The following PBRM1 variants were observed in gnomAD, a reference collection of about 807,000 sequenced individuals.
The protein encoded by PBRM1 is polybromo 1, also known as protein polybromo-1.
Under a neutral mutation model 194.5 loss-of-function variants are expected in PBRM1, and 27 were observed. The observed-to-expected ratio is 0.14, with a 90% CI of 0.10 to 0.19. The LOEUF (loss-of-function observed/expected upper bound fraction) is 0.19. PBRM1 is among the 10% of genes least tolerant of loss of function. PBRM1 has a pLI of 1.00. For missense variants in PBRM1, 1,466 were observed against 2,077.2 expected (o/e 0.71, Z 5.72); for synonymous variants, 655 against 693.2 (o/e 0.94, Z 0.87).
chr3:52,651,309 T>C (rs2096486582), intron 6 of PBRM1, among the ~76,000 whole-genome samples: 1 of 152,136 alleles, frequency 6.6e-6, no homozygotes, highest in Non-Finnish European at 1.5e-5. Context: ...TAACATCCGT[T>C]GTGGGTAGCT....
intron 13 of PBRM1, among the ~76,000 whole-genome samples, chr3:52,621,858 C>G (rs1180979111): frequency 6.6e-6 from 1 of 152,110 alleles, no homozygotes; most frequent in African/African-American, 2.4e-5. Flanking sequence ...TCGAGACCAG[C>G]CTGGGCAATA....
chr3:52,579,579 C>A (rs2090563216), intron 20 of PBRM1, among the ~76,000 whole-genome samples: 1 of 151,820 alleles, frequency 6.6e-6, no homozygotes, highest in Admixed American at 6.6e-5. Flanking sequence ...GCCTGGGCGA[C>A]AGAGCAAGAC....
At chr3:52,601,366 T>A (rs184806238) in intron 17 of PBRM1, among the ~76,000 whole-genome samples, 1 of 152,178 alleles carries the variant, frequency 6.6e-6, no homozygotes, top group African/African-American at 2.4e-5. Flanking sequence ...TTGGGTGGGA[T>A]GGTTTCAGGA....
At chr3:52,617,358 G>A in exon 14 of PBRM1, 1 of 1,613,388 alleles carries the variant, frequency 6.2e-7, no homozygotes, top group Non-Finnish European at 8.5e-7. Flanking sequence ...CATTGCGGAT[G>A]TTATGCTCAA....
chr3:52,575,459 A>G (rs985389891), intron 22 of PBRM1, among the ~76,000 whole-genome samples: 1 of 151,622 alleles, frequency 6.6e-6, no homozygotes, highest in African/African-American at 2.4e-5. Flanking sequence ...ATTGTTCCTG[A>G]GAAATTCCAG....
rs940111991 is a variant in PBRM1 at position 52,675,838 on chromosome 3, G to A, written c.236+2662C>T. ...ACATATAAAGAATGAAGCGGGGGCC[G>A]GGCGCGGTGGCTCACGCCTGTAATC... On this transcript the variant is annotated intron_variant, in intron 2 of 29. Transcript: ENST00000296302. Among the ~76,000 whole-genome samples the A allele has an allele frequency of 1.1e-4, 5 of 45,754 alleles. 1 individual carries two copies. The highest frequency in any genetic ancestry group is 2.2e-4 in the Non-Finnish European group (5 of 22,686). 30.0% of individuals were successfully genotyped at this position (45,754 alleles called of 152,430 possible). A position where few individuals can be genotyped will look rare whatever the true frequency, so the allele number is the denominator to read the frequency against.
At chr3:52,580,869 C>A (rs1468786324) in intron 20 of PBRM1, among the ~76,000 whole-genome samples, 3 of 151,776 alleles carry the variant, frequency 2.0e-5, no homozygotes. Flanking sequence ...CTCATAAAAA[C>A]CACTTAACAG....
intron 17 of PBRM1, among the ~76,000 whole-genome samples, chr3:52,591,940 C>T (rs1202153820): frequency 6.8e-6 from 1 of 147,986 alleles, no homozygotes; most frequent in Non-Finnish European, 1.5e-5. Flanking sequence ...AATTCTCCTG[C>T]CTCAGCCTCC....
chr3:52,595,335 C>T (rs977908372), intron 17 of PBRM1, among the ~76,000 whole-genome samples: 1 of 151,988 alleles, frequency 6.6e-6, no homozygotes, highest in Non-Finnish European at 1.5e-5. Flanking sequence ...GACTGTGTGC[C>T]CCAACTCTGG....
chr3:52,584,738 G>T (rs1347999488), intron 20 of PBRM1, among the ~76,000 whole-genome samples: 16 of 152,074 alleles, frequency 1.1e-4, no homozygotes, highest in Admixed American at 2.0e-4. Context: ...TTACAGGTAT[G>T]AGCCAACACG....
At chr3:52,553,361 A>C (rs1467620150) in intron 27 of PBRM1, among the ~76,000 whole-genome samples, 1 of 152,246 alleles carries the variant, frequency 6.6e-6, no homozygotes, top group African/African-American at 2.4e-5. Flanking sequence ...TTTAAAGTGA[A>C]AATGAATGTC....
At chr3:52,674,075 T>C (rs1292534248) in intron 2 of PBRM1, among the ~76,000 whole-genome samples, 1 of 151,000 alleles carries the variant, frequency 6.6e-6, no homozygotes, top group Non-Finnish European at 1.5e-5. Flanking sequence ...TATATAGATA[T>C]ATATATAGAA....
chr3:52,599,512 A>T (rs769561566), intron 17 of PBRM1, among the ~76,000 whole-genome samples: 34 of 152,064 alleles, frequency 2.2e-4, no homozygotes, highest in Non-Finnish European at 5.0e-4. Context: ...ATCAAATTTT[A>T]AAAAAATTTT....
chr3:52,642,008 T>C (rs761199482), exon 10 of PBRM1: 4 of 1,606,202 alleles, frequency 2.5e-6, no homozygotes, highest in East Asian at 2.2e-5. Flanking sequence ...GCCATTGTAA[T>C]TGCTGATAAA....
chr3:52,672,708 G>T (rs12493107), intron 2 of PBRM1, among the ~76,000 whole-genome samples: 51,319 of 151,662 alleles, frequency 0.34, 9,674 homozygotes, highest in Admixed American at 0.46. Flanking sequence ...TGGTCAGGCT[G>T]GTCTCGAACT....
At chr3:52,605,911 G>A (rs1246504511) in intron 16 of PBRM1, among the ~76,000 whole-genome samples, 1 of 150,652 alleles carries the variant, frequency 6.6e-6, no homozygotes. Context: ...CCTTGGAAAG[G>A]TTTTAAATAT....
In PBRM1 at chr3:52,610,916, G is replaced by T. The variant is rs2094573637; in HGVS notation, c.1925-961C>A. ...ATCAAGCCATTACACTCTAGCCTGG[G>T]CGACAGAGCGAGACTCTGTCTCAAA... On this transcript the variant is annotated intron_variant, in intron 15 of 29. Coordinates refer to ENST00000296302, the Ensembl canonical transcript of PBRM1. 2.6e-5 allele frequency among the ~76,000 whole-genome samples: 4 copies of T among 152,244 alleles called. No individual in the cohort carries two copies. In the South Asian group the frequency reaches 8.3e-4, roughly 32 times the overall value.
At chr3:52,570,989 T>C (rs6788887) in intron 22 of PBRM1, among the ~76,000 whole-genome samples, 62,831 of 151,234 alleles carry the variant, frequency 0.42, 13,300 homozygotes, top group Admixed American at 0.5. Flanking sequence ...TCTCAAAGTG[T>C]TGGGACTACA....
intron 11 of PBRM1, among the ~76,000 whole-genome samples, chr3:52,633,395 T>C (rs985641564): frequency 2.0e-5 from 3 of 152,314 alleles, no homozygotes; most frequent in African/African-American, 7.2e-5. Context: ...GTACACACCA[T>C]TTTGCGTATC....
Sources: gnomAD v4.1 joint callset for allele counts (sites outside exome capture counted in the v4.1 genomes callset) on GRCh38, gnomAD v4.1.1 for gene constraint, MANE v1.5 for transcripts, NCBI Gene and HGNC (gene_info 2026-07-23, HGNC 2026-07-21) for gene names.